CAMTA1: variants seen among roughly 807,000 people sequenced by gnomAD.
CAMTA1 encodes calmodulin binding transcription activator 1, also known as calmodulin-binding transcription activator 1.
In CAMTA1, 27 loss-of-function variants were observed where a neutral mutation model predicts 170.9. The observed-to-expected ratio is 0.16, with a 90% CI of 0.12 to 0.22. The LOEUF (loss-of-function observed/expected upper bound fraction) is 0.22. Among genes scored for constraint, CAMTA1 ranks in the 10% least tolerant of loss-of-function variants. The pLI, the probability that CAMTA1 is intolerant of heterozygous loss-of-function variation, is 1.00. For synonymous variants in CAMTA1, 833 were observed against 891.5 expected, an observed-to-expected ratio of 0.93 and a Z score of 1.17; for missense variants, 1,619 against 2,217.2, an observed-to-expected ratio of 0.73 and a Z score of 5.42.
chr1:7,649,006 G>A (rs1180686025), intron 7 of CAMTA1, among the ~76,000 whole-genome samples: 1 of 152,208 alleles, frequency 6.6e-6, no homozygotes, highest in South Asian at 2.1e-4. Flanking sequence ...GAGGCCACAC[G>A]GAGCTTAGTG....
chr1:7,651,057 T>C (rs1329475558), intron 7 of CAMTA1, among the ~76,000 whole-genome samples: 2 of 152,080 alleles, frequency 1.3e-5, no homozygotes, highest in African/African-American at 4.8e-5. Flanking sequence ...CGGCACGTGG[T>C]TCATAAGGAG....
chr1:7,653,225 C>G (rs945712843), intron 7 of CAMTA1, among the ~76,000 whole-genome samples: 3 of 152,188 alleles, frequency 2.0e-5, no homozygotes, highest in African/African-American at 7.2e-5. Context: ...CTGCCCACAG[C>G]AGAGGCTCAG....
intron 3 of CAMTA1, among the ~76,000 whole-genome samples, chr1:6,826,444 G>A (rs1367869087): frequency 2.6e-5 from 4 of 152,200 alleles, no homozygotes; most frequent in African/African-American, 4.8e-5. Flanking sequence ...TGAAAATGAA[G>A]TAGATATGCT....
intron 3 of CAMTA1, among the ~76,000 whole-genome samples, chr1:7,060,682 C>T (rs575217234): frequency 6.6e-6 from 1 of 151,800 alleles, no homozygotes; most frequent in East Asian, 1.9e-4. Flanking sequence ...GCTCACGGCC[C>T]TGCGGCTTCC....
chr1:6,952,966 G>T (rs1452502814), intron 3 of CAMTA1, among the ~76,000 whole-genome samples: 1 of 152,168 alleles, frequency 6.6e-6, no homozygotes, highest in East Asian at 1.9e-4. Context: ...GTGGACACTG[G>T]GTTCTGTTTC....
chr1:7,749,539 T>A lies in CAMTA1; in HGVS notation c.4690-1660T>A, dbSNP rs59809016. On this transcript the variant is annotated intron_variant, in intron 19 of 22. Transcript: ENST00000303635. Reference sequence around the variant, plus strand: ...ATTCCAAAATATGAGTTTGGTTTTTTAAAAAAAAAAACCCTCCCCAGAAAC... The same window carrying A: ...ATTCCAAAATATGAGTTTGGTTTTTAAAAAAAAAAAACCCTCCCCAGAAAC... Among the ~76,000 whole-genome samples, 437 of 145,654 alleles carry A rather than the reference T, an allele frequency of 3.0e-3. 2 individuals carry two copies. Among genetic ancestry groups the A allele is most frequent in the Non-Finnish European group, 4.0e-3 (262 of 65,848 alleles).
rs375353987 is a variant in CAMTA1 at position 7,739,559 on chromosome 1, AC to A, written c.4182+1078del. Reference sequence around the variant, plus strand: ...AAAGAAAAAGAGGTTTAATGGACTTACAGTTCCACGTGGTTGGGGAGGCCTC... The same window carrying A: ...AAAGAAAAAGAGGTTTAATGGACTTAAGTTCCACGTGGTTGGGGAGGCCTC... On this transcript the variant is annotated intron_variant, in intron 16 of 22. Coordinates refer to ENST00000303635, the MANE Select transcript of CAMTA1 (RefSeq NM_015215.4). Among the ~76,000 whole-genome samples the A allele has an allele frequency of 7.3e-3, 1,109 of 152,328 alleles. 14 individuals carry two copies. Among genetic ancestry groups the A allele is most frequent in the African/African-American group, 0.025 (1,027 of 41,562 alleles).
chr1:6,920,370 C>T (rs1432672230), intron 3 of CAMTA1, among the ~76,000 whole-genome samples: 3 of 152,216 alleles, frequency 2.0e-5, no homozygotes, highest in South Asian at 2.1e-4. Flanking sequence ...TCTTGGGCAG[C>T]TCCGCCCCTT....
intron 11 of CAMTA1, among the ~76,000 whole-genome samples, chr1:7,704,633 G>A (rs2096486488): frequency 1.3e-5 from 2 of 148,880 alleles, no homozygotes; most frequent in Admixed American, 1.3e-4. Flanking sequence ...TCCTCCGATT[G>A]GACCACGCGG....
At chr1:6,814,359 C>T (rs1645536226) in intron 1 of CAMTA1, among the ~76,000 whole-genome samples, 1 of 152,194 alleles carries the variant, frequency 6.6e-6, no homozygotes, top group Non-Finnish European at 1.5e-5. Flanking sequence ...GGAATCGTGA[C>T]CAAATTCTAG....
At chr1:6,827,903 G>A (rs1411707082) in intron 3 of CAMTA1, among the ~76,000 whole-genome samples, 1 of 152,168 alleles carries the variant, frequency 6.6e-6, no homozygotes, top group African/African-American at 2.4e-5. Flanking sequence ...GTATTTAGAA[G>A]CTGTGTTGTA....
At position 7,672,578 on chromosome 1, in the gene CAMTA1, C is replaced by T. The variant is rs569512596; in HGVS notation, c.2779+1541C>T. Among the ~76,000 whole-genome samples, 27 of 152,282 alleles carry T rather than the reference C, an allele frequency of 1.8e-4. 1 individual carries two copies. The South Asian group carries it at 5.2e-3, about 29-fold the overall frequency. On this transcript the variant is annotated intron_variant, in intron 10 of 22. Transcript: ENST00000303635. ...CTGGGACTATAGGCTTGTGCCACCACACCCAGCTAATTTTTGTACTTTTAG... is the reference window on the plus strand; with the variant it reads ...CTGGGACTATAGGCTTGTGCCACCATACCCAGCTAATTTTTGTACTTTTAG...
intron 11 of CAMTA1, among the ~76,000 whole-genome samples, chr1:7,679,582 C>G (rs528919306): frequency 6.6e-5 from 10 of 151,852 alleles, no homozygotes; most frequent in South Asian, 4.2e-4. Flanking sequence ...GCTGCCCCCC[C>G]CCCCAGAACT....
At chr1:7,090,910 G>A (rs574901617) in intron 3 of CAMTA1, among the ~76,000 whole-genome samples, 16 of 152,184 alleles carry the variant, frequency 1.1e-4, no homozygotes, top group Non-Finnish European at 2.2e-4. Context: ...TGAAAGATTC[G>A]TCCAGCTTCA....
chr1:7,251,197 A>G lies in CAMTA1; in HGVS notation c.438+1571A>G, dbSNP rs1365493028. Among the ~76,000 whole-genome samples the G allele has an allele frequency of 6.6e-6, 1 of 152,206 alleles. No individual in the cohort carries two copies. The highest frequency in any genetic ancestry group is 1.9e-4 in the East Asian group (1 of 5,196). Reference sequence around the variant, plus strand: ...TCAGGAACTTCTGCTCGTGAGTAACAGCCGGGTGGAATTCTTCCTCAGCAG... The same window carrying G: ...TCAGGAACTTCTGCTCGTGAGTAACGGCCGGGTGGAATTCTTCCTCAGCAG... On this transcript the variant is annotated intron_variant, in intron 5 of 22. Coordinates refer to ENST00000303635, the MANE Select transcript of CAMTA1 (RefSeq NM_015215.4). The surrounding 1 kb of genome is among the most constrained non-coding windows in gnomAD (Gnocchi z 5.1).
intron 16 of CAMTA1, among the ~76,000 whole-genome samples, chr1:7,739,531 T>C (rs2096795291): frequency 6.6e-6 from 1 of 152,156 alleles, no homozygotes; most frequent in Non-Finnish European, 1.5e-5. Flanking sequence ...CTGGGGAATT[T>C]ATAAAGAAAA....
At chr1:6,831,804 A>G (rs1488088904) in intron 3 of CAMTA1, among the ~76,000 whole-genome samples, 3 of 152,232 alleles carry the variant, frequency 2.0e-5, no homozygotes, top group Non-Finnish European at 4.4e-5. Context: ...TTAGAGTGTC[A>G]TATTAAATGC....
In CAMTA1 at chr1:7,662,014, C is replaced by T. The variant is rs150609414; in HGVS notation, c.805+148C>T. 3.1e-4 allele frequency: 301 copies of T among 964,026 alleles called. 1 individual carries two copies. In the Middle Eastern group the frequency reaches 8.9e-3, roughly 29 times the overall value. The allele number at this position is 964,026 out of a possible 1,614,324, so 59.7% of individuals were successfully genotyped here. A position where few individuals can be genotyped will look rare whatever the true frequency, so the allele number is the denominator to read the frequency against. On this transcript the variant is annotated intron_variant, in intron 8 of 22. Coordinates refer to ENST00000303635, the MANE Select transcript of CAMTA1 (RefSeq NM_015215.4). ...AGGGACTGGGCGACACCACCGCACC[C>T]AGCACAGACACAAGGCAGGCCTTCC...
chr1:7,734,515 A>G (rs1284936365), intron 12 of CAMTA1, among the ~76,000 whole-genome samples: 3 of 150,314 alleles, frequency 2.0e-5, no homozygotes, highest in Admixed American at 6.8e-5. Context: ...CATGCGGGAT[A>G]GAGACATGAC....
Sources: allele counts gnomAD v4.1 joint callset (sites outside exome capture counted in the v4.1 genomes callset), GRCh38; gene constraint gnomAD v4.1.1; non-coding constraint Gnocchi (gnomAD v3.1); transcripts MANE v1.5; gene names NCBI Gene and HGNC (gene_info 2026-07-23, HGNC 2026-07-21).